The following EVI5 variants were observed in gnomAD, a reference collection of about 807,000 sequenced individuals.
EVI5 encodes the protein ecotropic viral integration site 5, also known as ecotropic viral integration site 5 protein homolog.
A neutral mutation model predicts 112.0 loss-of-function variants in EVI5; 73 were observed. That is an observed-to-expected ratio of 0.65 (90% CI 0.54 to 0.79). EVI5 has a LOEUF of 0.79. Ranked by LOEUF, EVI5 falls within the 30% of genes least tolerant of loss-of-function variation. The probability of loss-of-function intolerance (pLI) is 0.00; values close to 1 mark genes in which losing one functional copy is unlikely to be tolerated. For missense variants in EVI5, 900 were observed against 968.8 expected (o/e 0.93, Z 0.94); for synonymous variants, 305 against 319.9 (o/e 0.95, Z 0.50).
intron 2 of EVI5, among the ~76,000 whole-genome samples, chr1:92,711,758 C>T (rs1384551205): frequency 6.6e-6 from 1 of 152,188 alleles, no homozygotes; most frequent in Non-Finnish European, 1.5e-5. Flanking sequence ...TATGAATGTG[C>T]AGCAACTTGC....
At chr1:92,737,320 A>C (rs1317624965) in intron 1 of EVI5, among the ~76,000 whole-genome samples, 2 of 152,334 alleles carry the variant, frequency 1.3e-5, no homozygotes, top group East Asian at 3.9e-4. Context: ...CCTAGGAAAG[A>C]GTAGTACATT....
intron 19 of EVI5, among the ~76,000 whole-genome samples, chr1:92,523,034 C>T (rs1309985951): frequency 6.6e-6 from 1 of 152,068 alleles, no homozygotes; most frequent in Non-Finnish European, 1.5e-5. Flanking sequence ...GGTGGGATTA[C>T]CGTCATGAGC....
intron 1 of EVI5, among the ~76,000 whole-genome samples, chr1:92,748,752 T>C (rs557479474): frequency 6.6e-6 from 1 of 152,018 alleles, no homozygotes; most frequent in African/African-American, 2.4e-5. Context: ...TATGAGTAGG[T>C]ACAAGTACAC....
rs919278266 is a variant in EVI5 at position 92,508,823 on chromosome 1, T to C, written c.*4833A>G. 1 of 152,610 alleles carries C rather than the reference T, an allele frequency of 6.6e-6. No homozygotes were observed. The highest frequency in any genetic ancestry group is 1.5e-5 in the Non-Finnish European group (1 of 68,038). 9.5% of individuals were successfully genotyped at this position (152,610 alleles called of 1,614,324 possible). A position where few individuals can be genotyped will look rare whatever the true frequency, so the allele number is the denominator to read the frequency against. ...AACACATTATAACTTTGCTTCTTGG[T>C]AGTATACTGAATGTATTATTCTATC... On this transcript the variant is annotated 3_prime_UTR_variant, in exon 20 of 20. Transcript: ENST00000684568.
chr1:92,754,288 T>C (rs1680593591), intron 1 of EVI5, among the ~76,000 whole-genome samples: 1 of 152,190 alleles, frequency 6.6e-6, no homozygotes, highest in Non-Finnish European at 1.5e-5. Flanking sequence ...GGCATAAGGC[T>C]AGGCATTGAG....
At chr1:92,771,766 C>T (rs1264034684) in intron 1 of EVI5, among the ~76,000 whole-genome samples, 1 of 151,914 alleles carries the variant, frequency 6.6e-6, no homozygotes, top group Non-Finnish European at 1.5e-5. Flanking sequence ...TGCCACCACG[C>T]CTGCCCGGAA....
chr1:92,609,330 T>A lies in EVI5; in HGVS notation c.1828-1603A>T, dbSNP rs114643869. ...ATGGGCGAAAAGTTTATGAAAGCAG[T>A]CTCACACAATCATGTCATGTCATGT... is the stretch of plus-strand genomic sequence containing the variant. On this transcript the variant is annotated intron_variant, in intron 16 of 19. Transcript: ENST00000684568. 3.1e-3 allele frequency among the ~76,000 whole-genome samples: 469 copies of A among 152,318 alleles called. 1 individual carries two copies. The highest frequency in any genetic ancestry group is 5.1e-3 in the Non-Finnish European group (349 of 68,018).
intron 19 of EVI5, among the ~76,000 whole-genome samples, chr1:92,526,349 G>A (rs141521854): frequency 3.2e-4 from 48 of 152,338 alleles, no homozygotes; most frequent in East Asian, 2.3e-3. Flanking sequence ...ATAAGCCGCC[G>A]TGCCCAGCCA....
chr1:92,576,859 T>C (rs1054278248), intron 18 of EVI5, among the ~76,000 whole-genome samples: 2 of 152,230 alleles, frequency 1.3e-5, no homozygotes, highest in African/African-American at 4.8e-5. Context: ...CATTGTCATC[T>C]TTGGTAGTTC....
At chr1:92,558,826 ACCC>A (rs1668059058) in intron 19 of EVI5, among the ~76,000 whole-genome samples, 1 of 146,784 alleles carries the variant, frequency 6.8e-6, no homozygotes, top group Non-Finnish European at 1.5e-5. Flanking sequence ...ACATAGTGAG[ACCC>A]CCATCTCTAA....
chr1:92,791,884 A>G (rs1686127954), intron 1 of EVI5, among the ~76,000 whole-genome samples: 2 of 152,220 alleles, frequency 1.3e-5, no homozygotes, highest in South Asian at 4.1e-4. Flanking sequence ...TTGAGAGGCC[A>G]TGCAACCATC....
At chr1:92,581,376 T>C (rs561968780) in intron 18 of EVI5, among the ~76,000 whole-genome samples, 3 of 152,278 alleles carry the variant, frequency 2.0e-5, no homozygotes, top group Non-Finnish European at 2.9e-5. Flanking sequence ...CCCTAGGGCC[T>C]TCACTTAAGA....
intron 13 of EVI5, 138 bp downstream of exon 13, chr1:92,662,581 A>G: frequency 2.0e-6 from 1 of 498,774 alleles, no homozygotes; most frequent in South Asian, 3.7e-5. Context: ...CACAGAACAT[A>G]AAATTGTATA....
At chr1:92,636,468 T>C (rs768219163) in intron 13 of EVI5, 132 bp from the exon 14 acceptor site, 6 of 674,628 alleles carry the variant, frequency 8.9e-6, no homozygotes, top group Non-Finnish European at 1.2e-5. Flanking sequence ...ATCTACCCAA[T>C]ATTTCCAATG....
intron 14 of EVI5, among the ~76,000 whole-genome samples, chr1:92,630,786 G>A (rs1363413911): frequency 6.6e-6 from 1 of 152,196 alleles, no homozygotes; most frequent in Non-Finnish European, 1.5e-5. Flanking sequence ...TTCTTCTAGG[G>A]TTTTTATGGT....
chr1:92,602,397 TA>T (rs936346936), intron 18 of EVI5, among the ~76,000 whole-genome samples: 1 of 151,802 alleles, frequency 6.6e-6, no homozygotes, highest in African/African-American at 2.4e-5. Flanking sequence ...TTATTTTTAT[TA>T]AAAAAATTTT....
chr1:92,544,987 T>C (rs1195047842), intron 19 of EVI5, among the ~76,000 whole-genome samples: 2 of 152,168 alleles, frequency 1.3e-5, no homozygotes, highest in Non-Finnish European at 2.9e-5. Context: ...GTCCAGCTTG[T>C]GGGGAGTGAA....
In EVI5 at chr1:92,615,827, C is replaced by A. The variant is rs562874172; in HGVS notation, c.1828-8100G>T. ...CCTAGAGGGTGAGGTTGAGTGTGAC[C>A]CATGAGGAGGTGTGCTACACTTGAA... On this transcript the variant is annotated intron_variant, in intron 16 of 19. Coordinates refer to ENST00000684568, the MANE Select transcript of EVI5 (RefSeq NM_001350197.2). 1.8e-4 allele frequency among the ~76,000 whole-genome samples: 27 copies of A among 151,854 alleles called. No homozygotes were observed. The South Asian group carries it at 4.0e-3, about 22-fold the overall frequency.
chr1:92,549,323 C>A (rs985389811), intron 19 of EVI5, among the ~76,000 whole-genome samples: 15 of 148,334 alleles, frequency 1.0e-4, no homozygotes, highest in Non-Finnish European at 1.9e-4. Context: ...GGATCCCTTC[C>A]TTACACCTTA....
Sources: allele counts gnomAD v4.1 joint callset (sites outside exome capture counted in the v4.1 genomes callset), GRCh38; gene constraint gnomAD v4.1.1; transcripts MANE v1.5; gene names NCBI Gene and HGNC (gene_info 2026-07-23, HGNC 2026-07-21).